The following CNOT2 variants were observed in gnomAD, a reference collection of about 807,000 sequenced individuals.
CNOT2 encodes the protein CC chemokine receptor 4-negative regulator of transcription 2.
A neutral mutation model predicts 72.1 loss-of-function variants in CNOT2; 7 were observed. That is an observed-to-expected ratio of 0.10 (90% CI 0.06 to 0.18). The LOEUF is 0.18. CNOT2 is among the 10% of genes least tolerant of loss of function. The probability of loss-of-function intolerance (pLI) is 1.00; values close to 1 mark genes in which losing one functional copy is unlikely to be tolerated. For missense variants in CNOT2, 345 were observed against 660.3 expected (o/e 0.52, Z 5.23); for synonymous variants, 196 against 225.6 (o/e 0.87, Z 1.17).
At chr12:70,320,030 ATATCTT>A (rs1204901101) in intron 4 of CNOT2, among the ~76,000 whole-genome samples, 1 of 151,676 alleles carries the variant, frequency 6.6e-6, no homozygotes, top group East Asian at 1.9e-4. Context: ...AAACAATAAA[ATATCTT>A]TATATTTTCT....
At chr12:70,305,894 T>TTTTTG (rs1875267003) in intron 2 of CNOT2, among the ~76,000 whole-genome samples, 1 of 143,562 alleles carries the variant, frequency 7.0e-6, no homozygotes, top group Non-Finnish European at 1.5e-5. Context: ...TTTTTTTTTT[T>TTTTTG]GGTAAATTTC....
intron 1 of CNOT2, among the ~76,000 whole-genome samples, chr12:70,248,540 C>T (rs529971075): frequency 3.9e-4 from 60 of 152,104 alleles, no homozygotes; most frequent in Non-Finnish European, 2.8e-4. Flanking sequence ...ATGATACATA[C>T]AACATTTTAC....
Position 70,342,103 on chromosome 12 carries a change from T to A in CNOT2, c.1179-4T>A. On this transcript the variant is annotated splice_region_variant and splice_polypyrimidine_tract_variant and intron_variant, in intron 11 of 15. Transcript: ENST00000229195. ...CAAAATGTTTTCTTTTCCTCCTTAT[T>A]CAGAAATCTCTACCCCAAATTTGCG... 1 of 1,555,302 alleles carries A rather than the reference T, an allele frequency of 6.4e-7. No homozygotes were observed. The highest frequency in any genetic ancestry group is 8.9e-7 in the Non-Finnish European group (1 of 1,126,538).
chr12:70,248,731 C>G (rs1006358786), intron 1 of CNOT2, among the ~76,000 whole-genome samples: 2 of 151,954 alleles, frequency 1.3e-5, no homozygotes, highest in Non-Finnish European at 2.9e-5. Flanking sequence ...AATATTATGT[C>G]TTAATTGCCT....
intron 3 of CNOT2, among the ~76,000 whole-genome samples, chr12:70,315,432 T>C (rs1320078496): frequency 6.6e-6 from 1 of 152,178 alleles, no homozygotes; most frequent in East Asian, 1.9e-4. Flanking sequence ...CTAGGAATTA[T>C]ATTATCACCA....
chr12:70,343,514 T>A (rs1403389875), intron 13 of CNOT2, among the ~76,000 whole-genome samples: 3 of 152,230 alleles, frequency 2.0e-5, no homozygotes, highest in Admixed American at 6.5e-5. Context: ...CTTTATGATT[T>A]TTGTATTCAT....
chr12:70,318,403 G>T (rs1325752436), intron 3 of CNOT2, among the ~76,000 whole-genome samples: 1 of 151,430 alleles, frequency 6.6e-6, no homozygotes, highest in Admixed American at 6.6e-5. Flanking sequence ...CTGGGTTTTT[G>T]TGTTCAATTT....
intron 1 of CNOT2, among the ~76,000 whole-genome samples, chr12:70,258,698 A>G (rs1316015938): frequency 6.6e-6 from 1 of 152,264 alleles, no homozygotes; most frequent in Non-Finnish European, 1.5e-5. Flanking sequence ...ACTAAGGGAA[A>G]GTATGGAGTG....
Position 70,342,181 on chromosome 12 carries a change from A to C in CNOT2, c.1240+13A>C. On this transcript the variant is annotated intron_variant, in intron 12 of 15. Coordinates refer to ENST00000229195, the MANE Select transcript of CNOT2 (RefSeq NM_014515.7). ...CCTCAAGACATAGGTAGGAGAATCTATTTGTGTTTAGACCTTTTAAAAAGA... is the reference window on the plus strand; with the variant it reads ...CCTCAAGACATAGGTAGGAGAATCTCTTTGTGTTTAGACCTTTTAAAAAGA... The C allele has an allele frequency of 6.2e-7, 1 of 1,611,780 alleles. No homozygotes were observed. The highest frequency in any genetic ancestry group is 8.5e-7 in the Non-Finnish European group (1 of 1,177,916).
At chr12:70,248,133 A>G (rs1208662071) in intron 1 of CNOT2, among the ~76,000 whole-genome samples, 2 of 152,050 alleles carry the variant, frequency 1.3e-5, no homozygotes, top group African/African-American at 2.4e-5. Context: ...GATATTTTGT[A>G]TTTGTCTTTA....
At chr12:70,297,013 G>A (rs1479034873) in intron 2 of CNOT2, among the ~76,000 whole-genome samples, 1 of 152,170 alleles carries the variant, frequency 6.6e-6, no homozygotes, top group South Asian at 2.1e-4. Context: ...TTATAAAAAC[G>A]CTAGATTATC....
intron 1 of CNOT2, among the ~76,000 whole-genome samples, chr12:70,246,579 G>C (rs1406543517): frequency 6.6e-6 from 1 of 152,148 alleles, no homozygotes; most frequent in Non-Finnish European, 1.5e-5. Context: ...TCCTTACTAA[G>C]AGCAGTTTCT....
chr12:70,289,544 C>T (rs1456493163), intron 2 of CNOT2, among the ~76,000 whole-genome samples: 1 of 152,162 alleles, frequency 6.6e-6, no homozygotes, highest in Non-Finnish European at 1.5e-5. Flanking sequence ...TCTGTCTTCA[C>T]TGTCCTTTGA....
intron 2 of CNOT2, among the ~76,000 whole-genome samples, chr12:70,299,244 T>A (rs1041596552): frequency 4.2e-4 from 64 of 152,226 alleles, no homozygotes; most frequent in African/African-American, 1.4e-3. Flanking sequence ...TTATTATACT[T>A]TAAGTTTTAA....
At chr12:70,335,706 A>G in intron 8 of CNOT2, 143 bp downstream of exon 8, 1 of 543,608 alleles carries the variant, frequency 1.8e-6, no homozygotes, top group Non-Finnish European at 3.1e-6. Context: ...TAATTTTTTC[A>G]GAATTGATAT....
chr12:70,258,597 C>G (rs570925439), intron 1 of CNOT2, among the ~76,000 whole-genome samples: 13 of 152,246 alleles, frequency 8.5e-5, no homozygotes. Flanking sequence ...GCCCCAAGTG[C>G]TATTCCAAAA....
chr12:70,341,857 TA>T (rs1881552945), intron 11 of CNOT2: 4 of 461,108 alleles, frequency 8.7e-6, no homozygotes, highest in African/African-American at 1.9e-5. Flanking sequence ...TCATGTTTTG[TA>T]TATTGTGATA....
intron 7 of CNOT2, chr12:70,335,137 A>G (rs1041260759): frequency 5.1e-6 from 1 of 197,652 alleles, no homozygotes; most frequent in Non-Finnish European, 1.0e-5. Context: ...CTCACAAGCT[A>G]TAATTTTAGG....
intron 1 of CNOT2, among the ~76,000 whole-genome samples, chr12:70,264,147 C>A (rs754089133): frequency 4.6e-5 from 7 of 152,028 alleles, no homozygotes; most frequent in Non-Finnish European, 8.8e-5. Flanking sequence ...AAATTTTGGC[C>A]CCTTTGTAGG....
Sources: allele counts gnomAD v4.1 joint callset (sites outside exome capture counted in the v4.1 genomes callset), GRCh38; gene constraint gnomAD v4.1.1; transcripts MANE v1.5; gene names NCBI Gene and HGNC (gene_info 2026-07-23, HGNC 2026-07-21).